The following KIF5A variants were observed in gnomAD, a reference collection of about 807,000 sequenced individuals.
The protein encoded by KIF5A is kinesin family member 5A.
In KIF5A, 35 loss-of-function variants were observed where a neutral mutation model predicts 141.3. The observed-to-expected ratio is 0.25, with a 90% confidence interval of 0.19 to 0.33. The LOEUF is 0.33. Among genes scored for constraint, KIF5A ranks in the 10% least tolerant of loss-of-function variants. The pLI, the probability that KIF5A is intolerant of heterozygous loss-of-function variation, is 1.00. For missense variants in KIF5A, 861 were observed against 1,314.3 expected (o/e 0.66, Z 5.33); for synonymous variants, 448 against 500.2 (o/e 0.90, Z 1.39).
chr12:57,554,506 C>T (rs1301968153), intron 1 of KIF5A, among the ~76,000 whole-genome samples: 1 of 152,184 alleles, frequency 6.6e-6, no homozygotes, highest in Admixed American at 6.5e-5. Flanking sequence ...TGCAAACCTC[C>T]AGATCCCAAG....
At chr12:57,555,110 G>A (rs1881691284) in intron 1 of KIF5A, among the ~76,000 whole-genome samples, 1 of 152,208 alleles carries the variant, frequency 6.6e-6, no homozygotes, top group South Asian at 2.1e-4. Flanking sequence ...GGCCTGCGCA[G>A]AGGCAGGGGA....
Position 57,564,216 on chromosome 12 carries a change from AC to A in KIF5A, c.396+6del. On this transcript the variant is annotated splice_donor_5th_base_variant and intron_variant, in intron 4 of 28. Coordinates refer to ENST00000455537, the MANE Select transcript of KIF5A (RefSeq NM_004984.4). The stretch of plus-strand genomic sequence containing the variant: ...GAACCTTGAGTTCCACATCAAGGTG[AC>A]CAGGGCACGACAGCTGGGCATTCAG... 1 of 1,584,508 alleles carries A rather than the reference AC, an allele frequency of 6.3e-7. No individual in the cohort carries two copies. The highest frequency in any genetic ancestry group is 8.7e-7 in the Non-Finnish European group (1 of 1,153,052).
intron 1 of KIF5A, among the ~76,000 whole-genome samples, chr12:57,554,168 C>A (rs912797980): frequency 1.3e-5 from 2 of 152,192 alleles, no homozygotes; most frequent in African/African-American, 2.4e-5. Flanking sequence ...TCTTGGATCA[C>A]TTTGCAGTGT....
rs1390408744 is a variant in KIF5A, at chr12:57,584,851, TG to T, written c.*671del. 1 of 152,294 alleles carries T rather than the reference TG, an allele frequency of 6.6e-6. No individual in the cohort carries two copies. The highest frequency in any genetic ancestry group is 2.4e-5 in the African/African-American group (1 of 41,466). 9.4% of individuals were successfully genotyped at this position (152,294 alleles called of 1,614,324 possible). ...AGTCTGCCTTTTGCCTCCCTCTTCC[TG>T]TTTTCCCCTGGACTGAGAAATGGGT... On this transcript the variant is annotated 3_prime_UTR_variant, in exon 29 of 29. Transcript: ENST00000455537.
In KIF5A at chr12:57,550,398, G is replaced by T; in HGVS notation, c.127G>T (p.Gly43Trp). The T allele has an allele frequency of 6.2e-7, 1 of 1,614,126 alleles. No homozygotes were observed. The highest frequency in any genetic ancestry group is 8.5e-7 in the Non-Finnish European group (1 of 1,180,008). Residue 43 changes from glycine to tryptophan, a missense_variant and splice_region_variant, in exon 1 of 29, where the codon GGG (glycine) becomes TGG (tryptophan). Physicochemically the swap from Gly to Trp is radical, Grantham distance 184. Coordinates refer to ENST00000455537, the MANE Select transcript of KIF5A (RefSeq NM_004984.4). The surrounding 1 kb of genome is among the most constrained non-coding windows in gnomAD (Gnocchi z 4.6). ...CCAAGGGGACGACAGCGTCGTTATT[G>T]GGGTGAGTGTCGCCCAGGAGGGAAT... ...IFQGDDSVVI[G>W]GKPYVFDRVF...
At chr12:57,583,289 G>T in intron 28 of KIF5A, 74 bp downstream of exon 28, 1 of 816,514 alleles carries the variant, frequency 1.2e-6, no homozygotes. Context: ...TGGTTTTCCT[G>T]CTGCTGCTTC....
chr12:57,572,614 G>T lies in KIF5A; in HGVS notation c.1604G>T (p.Arg535Leu). 1 of 1,614,238 alleles carries T rather than the reference G, an allele frequency of 6.2e-7. No homozygotes were observed. The highest frequency in any genetic ancestry group is 2.2e-5 in the East Asian group (1 of 44,886). The change falls in exon 15 of 29, where the codon CGG (arginine) becomes CTG (leucine). Residue 535 changes from arginine to leucine, a missense_variant. Physicochemically the swap from Arg to Leu is moderately radical, Grantham distance 102. Around this residue, in one of 5 missense-constraint regions of KIF5A, gnomAD observed 482 missense variants for 661.3 expected, o/e 0.73. Transcript: ENST00000455537. The surrounding 1 kb of genome is among the most constrained non-coding windows in gnomAD (Gnocchi z 4.2). ...TMLSLESELQ[R>L]LQEVSGHQRK... Reference sequence around the variant, plus strand: ...CTGTCCCTGGAGTCTGAGTTGCAGCGGCTACAGGAGGTCAGTGGACACCAG... The same window carrying T: ...CTGTCCCTGGAGTCTGAGTTGCAGCTGCTACAGGAGGTCAGTGGACACCAG...
intron 11 of KIF5A, 25 bp from the exon 12 acceptor site, chr12:57,569,962 C>G: frequency 6.2e-7 from 1 of 1,610,240 alleles, no homozygotes; most frequent in Non-Finnish European, 8.5e-7. Context: ...TCTTCCATCT[C>G]TCACCTCGTC....
chr12:57,567,085 A>G, intron 6 of KIF5A, 41 bp from the exon 7 acceptor site: 1 of 1,250,000 alleles, frequency 8.0e-7, no homozygotes, highest in South Asian at 1.3e-5. Flanking sequence ...ACAAACTTAA[A>G]AAACAAAGCT....
chr12:57,571,117 G>A (rs149194626), intron 12 of KIF5A, among the ~76,000 whole-genome samples: 2 of 151,976 alleles, frequency 1.3e-5, no homozygotes, highest in Non-Finnish European at 2.9e-5. Context: ...TAAATTTTTT[G>A]TAGAGACAGG....
chr12:57,563,014 C>CT (rs1188702073), intron 1 of KIF5A, among the ~76,000 whole-genome samples: 1 of 149,154 alleles, frequency 6.7e-6, no homozygotes, highest in African/African-American at 2.5e-5. Context: ...TTTTCTTCTT[C>CT]TTTTTTTTTT....
At chr12:57,552,870 C>T (rs1213799205) in intron 1 of KIF5A, among the ~76,000 whole-genome samples, 3 of 152,096 alleles carry the variant, frequency 2.0e-5, no homozygotes, top group Admixed American at 6.5e-5. Flanking sequence ...TGCAGCACTG[C>T]GGCCAGCGCT....
intron 1 of KIF5A, among the ~76,000 whole-genome samples, chr12:57,557,362 A>G (rs1881777983): frequency 6.6e-6 from 1 of 152,154 alleles, no homozygotes; most frequent in African/African-American, 2.4e-5. Flanking sequence ...ACAATTTAAA[A>G]TTAATTACAA....
chr12:57,558,665 C>T (rs547054039), intron 1 of KIF5A, among the ~76,000 whole-genome samples: 176 of 152,348 alleles, frequency 1.2e-3, no homozygotes, highest in African/African-American at 4.1e-3. Context: ...CAGAGCAAGA[C>T]TCTTGTCTCA....
At chr12:57,565,929 G>C (rs1594914052) in intron 6 of KIF5A, among the ~76,000 whole-genome samples, 1 of 143,964 alleles carries the variant, frequency 6.9e-6, no homozygotes, top group Admixed American at 7.0e-5. Flanking sequence ...TGAGTCTCTT[G>C]TTTAAAAAAA....
In KIF5A at chr12:57,585,407, C is replaced by G. The variant is rs1678536; in HGVS notation, c.*1226C>G. The G allele has an allele frequency of 0.26, 40,069 of 154,312 alleles. 6,394 individuals are homozygous for G. Among genetic ancestry groups the G allele is most frequent in the South Asian group, 0.5 (2,439 of 4,916 alleles). The allele number at this position is 154,312 out of a possible 1,614,324, so 9.6% of individuals were successfully genotyped here. A position where few individuals can be genotyped will look rare whatever the true frequency, so the allele number is the denominator to read the frequency against. On this transcript the variant is annotated 3_prime_UTR_variant, in exon 29 of 29. Transcript: ENST00000455537. Reference sequence around the variant, plus strand: ...AGGTGGGAAGCTCTAAGGCTTGACCCTGAGGGGTCTTCTCCCAGCCATTCT... The same window carrying G: ...AGGTGGGAAGCTCTAAGGCTTGACCGTGAGGGGTCTTCTCCCAGCCATTCT...
At position 57,572,747 on chromosome 12, in the gene KIF5A, G is replaced by T. The variant is rs1384116431; in HGVS notation, c.1716+21G>T. 4.3e-6 allele frequency: 7 copies of T among 1,614,028 alleles called. No individual in the cohort carries two copies. Among genetic ancestry groups the T allele is most frequent in the Non-Finnish European group, 5.1e-6 (6 of 1,179,986 alleles). On this transcript the variant is annotated intron_variant, in intron 15 of 28. Transcript: ENST00000455537. This position sits in a 1 kb window ranked among gnomAD's most constrained non-coding sequence, Gnocchi z 4.2. ...AGCTGGTGAGTGGTGAGAGACAGCA[G>T]CCTTGTTCAGGCTGGGCACTAGTGG...
intron 1 of KIF5A, among the ~76,000 whole-genome samples, chr12:57,561,206 A>G (rs549649295): frequency 6.6e-6 from 1 of 151,518 alleles, no homozygotes; most frequent in Non-Finnish European, 1.5e-5. Flanking sequence ...CACCCAGCTA[A>G]TTTTTGTATT....
intron 8 of KIF5A, among the ~76,000 whole-genome samples, chr12:57,568,268 T>G (rs1465865846): frequency 6.6e-6 from 1 of 152,188 alleles, no homozygotes; most frequent in Non-Finnish European, 1.5e-5. Flanking sequence ...TTCAGTTGTT[T>G]GTAGTATGTT....
Sources: allele counts gnomAD v4.1 joint callset (sites outside exome capture counted in the v4.1 genomes callset), GRCh38; gene constraint gnomAD v4.1.1; regional missense constraint gnomAD v4.1.1; non-coding constraint Gnocchi (gnomAD v3.1); transcripts MANE v1.5; gene names NCBI Gene and HGNC (gene_info 2026-07-23, HGNC 2026-07-21).